CSMD1: variants seen among roughly 807,000 people sequenced by gnomAD.
The protein encoded by CSMD1 is CUB and sushi domain-containing protein 1.
CSMD1 carries 213 observed loss-of-function variants against 417.5 expected under a neutral mutation model. That is an observed-to-expected ratio of 0.51 (90% CI 0.46 to 0.57). The LOEUF is 0.57. Ranked by LOEUF, CSMD1 falls within the 20% of genes least tolerant of loss-of-function variation. The probability of loss-of-function intolerance (pLI) is 0.00; values close to 1 mark genes in which losing one functional copy is unlikely to be tolerated. For synonymous variants in CSMD1, 2,862 were observed against 1,736.8 expected, an observed-to-expected ratio of 1.65 and a Z score of -16.11; for missense variants, 6,923 against 4,529.7, an observed-to-expected ratio of 1.53 and a Z score of -15.17.
intron 11 of CSMD1, among the ~76,000 whole-genome samples, chr8:3,482,922 T>A (rs549943996): frequency 6.6e-6 from 1 of 151,976 alleles, no homozygotes; most frequent in Non-Finnish European, 1.5e-5. Context: ...AAGAAATACA[T>A]AGAATGAAGT....
chr8:3,017,457 T>C (rs553148942), intron 52 of CSMD1, among the ~76,000 whole-genome samples: 1 of 152,328 alleles, frequency 6.6e-6, no homozygotes, highest in South Asian at 2.1e-4. Flanking sequence ...CACACACTCA[T>C]ATATATAATT....
intron 2 of CSMD1, among the ~76,000 whole-genome samples, chr8:4,471,904 T>A (rs1395356828): frequency 6.6e-6 from 1 of 152,084 alleles, no homozygotes; most frequent in Non-Finnish European, 1.5e-5. Flanking sequence ...TACAAAGGTG[T>A]TTCCAATGAT....
chr8:4,756,409 C>G (rs1276785410), intron 1 of CSMD1, among the ~76,000 whole-genome samples: 2 of 152,188 alleles, frequency 1.3e-5, no homozygotes, highest in South Asian at 4.2e-4. Flanking sequence ...AGTTGAAGAA[C>G]AGTGGTGAGT....
At chr8:4,529,781 C>T (rs1384053885) in intron 2 of CSMD1, among the ~76,000 whole-genome samples, 1 of 151,722 alleles carries the variant, frequency 6.6e-6, no homozygotes, top group African/African-American at 2.4e-5. Context: ...TTCAGAACTG[C>T]TGCCGTAGAA....
At chr8:3,692,315 G>C (rs549956774) in intron 7 of CSMD1, among the ~76,000 whole-genome samples, 19 of 152,256 alleles carry the variant, frequency 1.2e-4, no homozygotes, top group Admixed American at 4.6e-4. Context: ...TTCAAGTTAT[G>C]ACCACATACC....
intron 1 of CSMD1, among the ~76,000 whole-genome samples, chr8:4,919,598 A>T (rs1348871024): frequency 6.6e-6 from 1 of 152,204 alleles, no homozygotes; most frequent in Non-Finnish European, 1.5e-5. Context: ...CAGTACACTA[A>T]ATGTAGTAAC....
intron 5 of CSMD1, among the ~76,000 whole-genome samples, chr8:3,832,195 G>A (rs188601070): frequency 1.2e-4 from 19 of 152,268 alleles, no homozygotes; most frequent in Admixed American, 6.5e-4. Flanking sequence ...GCTGAGTCAC[G>A]TGGGATGGAA....
chr8:4,878,596 A>C (rs1803198126), intron 1 of CSMD1, among the ~76,000 whole-genome samples: 1 of 151,984 alleles, frequency 6.6e-6, no homozygotes, highest in African/African-American at 2.4e-5. Context: ...CATAATTTCT[A>C]TCACCAGTTA....
At chr8:3,191,720 G>T (rs1426425410) in intron 33 of CSMD1, among the ~76,000 whole-genome samples, 2 of 152,162 alleles carry the variant, frequency 1.3e-5, no homozygotes, top group South Asian at 2.1e-4. Flanking sequence ...AGGAATGTGG[G>T]ATAAAGATTA....
intron 5 of CSMD1, among the ~76,000 whole-genome samples, chr8:3,965,001 T>C (rs865789276): frequency 6.6e-6 from 1 of 152,202 alleles, no homozygotes; most frequent in African/African-American, 2.4e-5. Flanking sequence ...CCACGGTTTT[T>C]TCTGTGTATA....
intron 2 of CSMD1, among the ~76,000 whole-genome samples, chr8:4,431,444 GCA>G (rs1491312734): frequency 6.6e-6 from 1 of 152,078 alleles, no homozygotes; most frequent in Admixed American, 6.6e-5. Flanking sequence ...GAGCGAGTGA[GCA>G]CACAGTCAGG....
At chr8:3,673,048 A>G (rs1331665659) in intron 7 of CSMD1, among the ~76,000 whole-genome samples, 2 of 152,188 alleles carry the variant, frequency 1.3e-5, no homozygotes, top group African/African-American at 4.8e-5. Context: ...GAAAGTGAGC[A>G]TTTAGCGGTA....
chr8:4,464,099 A>G (rs2129976638), intron 2 of CSMD1, among the ~76,000 whole-genome samples: 1 of 152,274 alleles, frequency 6.6e-6, no homozygotes, highest in South Asian at 2.1e-4. Context: ...AGTTTTCTAA[A>G]AGAATGAGAT....
chr8:4,040,090 A>G (rs1404710837), intron 3 of CSMD1, among the ~76,000 whole-genome samples: 1 of 152,228 alleles, frequency 6.6e-6, no homozygotes, highest in African/African-American at 2.4e-5. Context: ...CAAAGTATAC[A>G]GAGATTTTAA....
chr8:4,752,067 A>G (rs1174847966), intron 1 of CSMD1, among the ~76,000 whole-genome samples: 1 of 146,156 alleles, frequency 6.8e-6, no homozygotes, highest in East Asian at 2.0e-4. Context: ...ATACAAAAAC[A>G]TATGTATATT....
chr8:4,767,962 G>C (rs933591975), intron 1 of CSMD1, among the ~76,000 whole-genome samples: 1 of 152,070 alleles, frequency 6.6e-6, no homozygotes, highest in Admixed American at 6.6e-5. Context: ...TCGAGGGCGT[G>C]GGTCAATCTA....
At chr8:4,714,817 A>G (rs1485781194) in intron 1 of CSMD1, among the ~76,000 whole-genome samples, 1 of 152,226 alleles carries the variant, frequency 6.6e-6, no homozygotes, top group Non-Finnish European at 1.5e-5. Context: ...AACATTATAA[A>G]CAGTAACATT....
chr8:4,067,130 C>T (rs2114245), intron 3 of CSMD1, among the ~76,000 whole-genome samples: 2 of 152,012 alleles, frequency 1.3e-5, no homozygotes, highest in African/African-American at 4.8e-5. Context: ...CACAGAGTCA[C>T]TTCATGCAAA....
At chr8:3,492,282 G>C (rs1818427393) in intron 11 of CSMD1, among the ~76,000 whole-genome samples, 1 of 152,128 alleles carries the variant, frequency 6.6e-6, no homozygotes, top group African/African-American at 2.4e-5. Context: ...ATAAAGACAT[G>C]AAGGAAATAA....
Sources: allele counts gnomAD v4.1 joint callset (sites outside exome capture counted in the v4.1 genomes callset), GRCh38; gene constraint gnomAD v4.1.1; transcripts MANE v1.5; gene names NCBI Gene and HGNC (gene_info 2026-07-23, HGNC 2026-07-21).